The following NINL variants were observed in gnomAD, a reference collection of about 807,000 sequenced individuals.
The protein encoded by NINL is ninein-like protein.
A neutral mutation model predicts 160.3 loss-of-function variants in NINL; 153 were observed. That is an observed-to-expected ratio of 0.95 (90% confidence interval 0.84 to 1.09). The LOEUF (loss-of-function observed/expected upper bound fraction) is 1.09. Ranked by LOEUF, NINL falls within the 50% of genes least tolerant of loss-of-function variation. The probability of loss-of-function intolerance (pLI) is 0.00; values close to 1 mark genes in which losing one functional copy is unlikely to be tolerated. For missense variants in NINL, 1,829 were observed against 1,764.0 expected (o/e 1.04, Z -0.66); for synonymous variants, 800 against 734.8 (o/e 1.09, Z -1.43).
intron 22 of NINL, among the ~76,000 whole-genome samples, chr20:25,456,420 C>T (rs1483020631): frequency 3.3e-5 from 5 of 150,774 alleles, no homozygotes; most frequent in Admixed American, 1.3e-4. Context: ...TGGTAGCGGG[C>T]GCCTGTAGTC....
At chr20:25,464,113 A>T (rs2062854459) in intron 19 of NINL, among the ~76,000 whole-genome samples, 1 of 152,176 alleles carries the variant, frequency 6.6e-6, no homozygotes, top group African/African-American at 2.4e-5. Flanking sequence ...TTCACCTTTA[A>T]CATTTAAACT....
intron 5 of NINL, among the ~76,000 whole-genome samples, chr20:25,505,668 G>A (rs1240571805): frequency 6.6e-6 from 1 of 152,184 alleles, no homozygotes; most frequent in Non-Finnish European, 1.5e-5. Context: ...AGCATTTCGG[G>A]GAAGCACAGC....
chr20:25,470,217 G>T, intron 17 of NINL, 122 bp from the exon 18 acceptor site: 1 of 731,004 alleles, frequency 1.4e-6, no homozygotes, highest in Non-Finnish European at 2.4e-6. Flanking sequence ...CCTGGAGGTG[G>T]CGCCAGACAC....
intron 1 of NINL, among the ~76,000 whole-genome samples, chr20:25,582,989 G>C (rs1021109076): frequency 4.6e-5 from 7 of 152,228 alleles, no homozygotes; most frequent in African/African-American, 1.7e-4. Flanking sequence ...ACTCAAGATG[G>C]ATTAAAGACT....
chr20:25,497,247 C>T (rs6037128), intron 9 of NINL, among the ~76,000 whole-genome samples: 15,115 of 152,332 alleles, frequency 0.099, 1,274 homozygotes, highest in African/African-American at 0.23. Flanking sequence ...AGTGAGCACA[C>T]AGTGAGTCAC....
intron 17 of NINL, among the ~76,000 whole-genome samples, chr20:25,475,586 C>T (rs778190740): frequency 3.3e-5 from 5 of 152,116 alleles, no homozygotes; most frequent in South Asian, 4.1e-4. Flanking sequence ...TCTTTGGAAG[C>T]GAGGGCCGGG....
At chr20:25,503,821 T>C in intron 7 of NINL, 131 bp downstream of exon 7, 2 of 1,072,098 alleles carry the variant, frequency 1.9e-6, no homozygotes, top group Non-Finnish European at 2.8e-6. Context: ...TACATGCGTG[T>C]GTGCATGGCC....
At chr20:25,518,529 A>G (rs1265712721) in intron 2 of NINL, among the ~76,000 whole-genome samples, 1 of 152,206 alleles carries the variant, frequency 6.6e-6, no homozygotes, top group African/African-American at 2.4e-5. Flanking sequence ...ACATGATATT[A>G]TCTTTTTATT....
chr20:25,547,392 A>C (rs2147080062), intron 1 of NINL, among the ~76,000 whole-genome samples: 1 of 152,298 alleles, frequency 6.6e-6, no homozygotes, highest in Admixed American at 6.5e-5. Flanking sequence ...AAGCCACACT[A>C]TCAGATGATC....
chr20:25,512,916 T>G lies in NINL; in HGVS notation c.368A>C (p.Glu123Ala). Residue 123 changes from glutamate to alanine, a missense_variant, in exon 4 of 24, where the codon GAA becomes GCA. Coordinates refer to ENST00000278886, the MANE Select transcript of NINL (RefSeq NM_025176.6). ...TTGCTGCTCCGGCACGCGTCTGGCT[T>G]CTGTGGCAGCGTCACATAGCTCAGG... ...SRPELCDAAT[E>A]ARRVPEQQTQ... 1.2e-6 allele frequency: 2 copies of G among 1,614,212 alleles called. No individual in the cohort carries two copies. The highest frequency in any genetic ancestry group is 2.2e-5 in the East Asian group (1 of 44,882).
chr20:25,467,021 G>A (rs932092330), intron 19 of NINL, among the ~76,000 whole-genome samples: 29 of 152,162 alleles, frequency 1.9e-4, no homozygotes, highest in African/African-American at 5.8e-4. Flanking sequence ...GCTGGGCCTC[G>A]GGCCAGTGCA....
At chr20:25,574,055 C>A (rs1272398373) in intron 1 of NINL, among the ~76,000 whole-genome samples, 1 of 152,224 alleles carries the variant, frequency 6.6e-6, no homozygotes, top group East Asian at 1.9e-4. Context: ...AAACCAGCCA[C>A]ACCCCTGCCC....
chr20:25,576,749 AC>A (rs1335859404), intron 1 of NINL, among the ~76,000 whole-genome samples: 1 of 152,198 alleles, frequency 6.6e-6, no homozygotes, highest in African/African-American at 2.4e-5. Flanking sequence ...TGCATGTGCC[AC>A]CGTGCCAGCC....
intron 1 of NINL, among the ~76,000 whole-genome samples, chr20:25,572,124 C>T (rs1347250823): frequency 6.6e-6 from 1 of 151,988 alleles, no homozygotes; most frequent in Non-Finnish European, 1.5e-5. Flanking sequence ...CCTGCAGGGT[C>T]ACCACAGCAT....
rs951425071 is a variant in NINL at position 25,582,433 on chromosome 20, A to G, written c.-12+3022T>C. On this transcript the variant is annotated intron_variant, in intron 1 of 23. Coordinates refer to ENST00000278886, the MANE Select transcript of NINL (RefSeq NM_025176.6). ...TGAGGCAGGTGGATCACTTCAGCCC[A>G]GGAGTTGGAGACCACCCTGGGCAAG... Among the ~76,000 whole-genome samples, 8 of 152,284 alleles carry G rather than the reference A, an allele frequency of 5.3e-5. 1 individual carries two copies. Among genetic ancestry groups the G allele is most frequent in the African/African-American group, 2.4e-5 (1 of 41,566 alleles).
At chr20:25,574,649 A>G (rs1043974906) in intron 1 of NINL, among the ~76,000 whole-genome samples, 29 of 152,112 alleles carry the variant, frequency 1.9e-4, no homozygotes, top group South Asian at 2.1e-4. Context: ...CGGTGGCTAA[A>G]TATCAGGTTT....
chr20:25,471,910 C>T (rs58184048), intron 17 of NINL, among the ~76,000 whole-genome samples: 6,858 of 152,264 alleles, frequency 0.045, 168 homozygotes, highest in Middle Eastern at 0.11. Context: ...AGCAAAGCCA[C>T]CCATAAATGA....
intron 1 of NINL, among the ~76,000 whole-genome samples, chr20:25,565,928 AC>A (rs967589828): frequency 1.3e-5 from 2 of 151,950 alleles, no homozygotes; most frequent in African/African-American, 4.8e-5. Flanking sequence ...TACACTGGCG[AC>A]CCCCGCAGGC....
At chr20:25,492,687 C>T (rs971590263) in intron 10 of NINL, among the ~76,000 whole-genome samples, 1 of 152,072 alleles carries the variant, frequency 6.6e-6, no homozygotes, top group Non-Finnish European at 1.5e-5. Flanking sequence ...CTCCTGACCT[C>T]GTGATCTGCC....
Sources: gnomAD v4.1 joint callset for allele counts (sites outside exome capture counted in the v4.1 genomes callset) on GRCh38, gnomAD v4.1.1 for gene constraint, MANE v1.5 for transcripts, NCBI Gene and HGNC (gene_info 2026-07-23, HGNC 2026-07-21) for gene names.